ALDH3A1: variants seen among roughly 807,000 people sequenced by gnomAD.
ALDH3A1 encodes the protein aldehyde dehydrogenase, dimeric NADP-preferring.
ALDH3A1 carries 46 observed loss-of-function variants against 49.9 expected under a neutral mutation model. That is an observed-to-expected ratio of 0.92 (90% CI 0.73 to 1.18). ALDH3A1 has a LOEUF of 1.18. Ranked by LOEUF, ALDH3A1 falls within the 50% of genes most tolerant of loss-of-function variation. The pLI is 0.00. For missense variants in ALDH3A1, 592 were observed against 611.8 expected (o/e 0.97, Z 0.34); for synonymous variants, 269 against 253.3 (o/e 1.06, Z -0.59).
rs756093804 is a variant in ALDH3A1, at chr17:19,743,338, G to A, written c.288C>T (p.Asp96=). ...GTGGCTCCGAGTGGATGTAGAGCTC[G>A]TCCTGCTGAGTCTGGGGCGTCTTCT... The part of the protein sequence containing the change: ...PVEKTPQTQQ[D]ELYIHSEPLG... The change falls in exon 3 of 11, where the codon GAC becomes GAT. Residue 96 remains aspartate (D), a synonymous_variant. Transcript: ENST00000225740. The surrounding 1 kb of genome is among the most constrained non-coding windows in gnomAD (Gnocchi z 4.4). The A allele has an allele frequency of 2.8e-5, 45 of 1,614,036 alleles. No homozygotes were observed. Among genetic ancestry groups the A allele is most frequent in the East Asian group, 8.9e-5 (4 of 44,888 alleles).
At chr17:19,741,600 C>T (rs534933625) in intron 5 of ALDH3A1, among the ~76,000 whole-genome samples, 3 of 152,280 alleles carry the variant, frequency 2.0e-5, no homozygotes, top group Non-Finnish European at 2.9e-5. Flanking sequence ...CCCCAGACCC[C>T]GAGCAGCGGT....
rs1307199475 is a variant in ALDH3A1, at chr17:19,743,185, C to G, written c.394+47G>C. The G allele has an allele frequency of 1.2e-6, 2 of 1,607,866 alleles. No homozygotes were observed. The highest frequency in any genetic ancestry group is 3.4e-5 in the Admixed American group (2 of 58,926). On this transcript the variant is annotated intron_variant, in intron 3 of 10. Coordinates refer to ENST00000225740, the MANE Select transcript of ALDH3A1 (RefSeq NM_000691.5). The surrounding 1 kb of genome is among the most constrained non-coding windows in gnomAD (Gnocchi z 4.4). ...GAGCCCATCCTGGCTTGGCTCCACG[C>G]TGGGGGACGGTGCTCCCCCAGCTTC...
intron 7 of ALDH3A1, 104 bp from the exon 8 acceptor site, chr17:19,739,778 G>A: frequency 7.1e-7 from 1 of 1,400,418 alleles, no homozygotes; most frequent in Non-Finnish European, 9.6e-7. Flanking sequence ...AGGCAAACCT[G>A]CCCAGGCTTG....
At chr17:19,744,313 GA>G (rs1353074562) in intron 2 of ALDH3A1, 1 of 740,066 alleles carries the variant, frequency 1.4e-6, no homozygotes, top group African/African-American at 1.9e-5. Flanking sequence ...TGAGGCAGGA[GA>G]ATTGCCTGAA....
intron 10 of ALDH3A1, 38 bp from the exon 11 acceptor site, chr17:19,738,273 C>A (rs369145420): frequency 3.1e-6 from 5 of 1,614,036 alleles, no homozygotes; most frequent in Non-Finnish European, 4.2e-6. Context: ...GATCCCCAGG[C>A]CCTGGTCCCG....
intron 5 of ALDH3A1, among the ~76,000 whole-genome samples, chr17:19,741,772 CAG>C (rs1184696219): frequency 2.6e-5 from 4 of 152,124 alleles, no homozygotes; most frequent in African/African-American, 9.7e-5. Context: ...ACTCAGCAAA[CAG>C]AGCTCAGCCT....
rs764357572 is a variant in ALDH3A1, at chr17:19,738,449, G to A, written c.1221C>T (p.Asn407=). 3.7e-6 allele frequency: 6 copies of A among 1,610,820 alleles called. No homozygotes were observed. The Admixed American group carries it at 5.0e-5, about 13-fold the overall frequency. ...TGCCATGGTAGGATCCCATGCCGCT[G>A]TTCCCTGCGGAGGAGAAGTAAGCAC... is the stretch of plus-strand genomic sequence containing the variant. ...LHSLPFGGVG[N]SGMGSYHGKK... The change falls in exon 10 of 11, where the codon AAC becomes AAT. Residue 407 remains asparagine (N), a synonymous_variant. Transcript: ENST00000225740.
At chr17:19,739,198 G>GC (rs2086444134) in intron 8 of ALDH3A1, 103 bp from the exon 9 acceptor site, 2 of 1,035,980 alleles carry the variant, frequency 1.9e-6, no homozygotes, top group Non-Finnish European at 2.9e-6. Flanking sequence ...AAGGACAGGA[G>GC]CAGGTGGAGG....
chr17:19,746,696 CGTGCGTGTGTGTGCAT>C (rs889520334), intron 1 of ALDH3A1, among the ~76,000 whole-genome samples: 7 of 139,322 alleles, frequency 5.0e-5, no homozygotes, highest in African/African-American at 1.1e-4. Context: ...TGTGTGTGTG[CGTGCGTGTGTGTGCAT>C]GTGCGTGTGT....
chr17:19,739,525 A>G lies in ALDH3A1; in HGVS notation c.1099T>C (p.Phe367Leu), dbSNP rs1376039298. 3 of 1,611,436 alleles carry G rather than the reference A, an allele frequency of 1.9e-6. No homozygotes were observed. Among genetic ancestry groups the G allele is most frequent in the Non-Finnish European group, 1.7e-6 (2 of 1,179,190 alleles). Residue 367 changes from phenylalanine (F) to leucine (L), a missense_variant, in exon 8 of 11, where the codon TTC becomes CTC. Phe to Leu is a conservative substitution (Grantham distance 22). Coordinates refer to ENST00000225740, the MANE Select transcript of ALDH3A1 (RefSeq NM_000691.5). ...QREKPLALYM[F>L]SSNDKVIKKM... The stretch of plus-strand genomic sequence containing the variant: ...CCACCCACCTTGTCGTTGCTGGAGA[A>G]CATGTAGAGGGCCAGGGGCTTCTCA...
chr17:19,744,900 AGCCCCTC>A, intron 2 of ALDH3A1, 61 bp downstream of exon 2: 1 of 270,614 alleles, frequency 3.7e-6, no homozygotes, highest in Non-Finnish European at 5.3e-6. Context: ...CACTCTCCCC[AGCCCCTC>A]CCCCCACGCC....
At chr17:19,739,910 C>T (rs1224702944) in intron 7 of ALDH3A1, among the ~76,000 whole-genome samples, 1 of 152,154 alleles carries the variant, frequency 6.6e-6, no homozygotes, top group East Asian at 1.9e-4. Context: ...AGATCTGTCT[C>T]CAGGAGCAGG....
At chr17:19,745,300 T>A in intron 1 of ALDH3A1, 166 bp from the exon 2 acceptor site, 2 of 701,048 alleles carry the variant, frequency 2.9e-6, no homozygotes, top group South Asian at 2.3e-5. Context: ...CGCCCCTCAC[T>A]CAGACGCCTG....
At position 19,742,539 on chromosome 17, in the gene ALDH3A1, ACT is replaced by A. The variant is rs779346208; in HGVS notation, c.480+4_480+5del. On this transcript the variant is annotated splice_donor_5th_base_variant and intron_variant, in intron 4 of 10. Coordinates refer to ENST00000225740, the MANE Select transcript of ALDH3A1 (RefSeq NM_000691.5). ...TGGAGTTACGAGGCCCTGGAGGGCA[ACT>A]CACCTTGTCCAGGTACTGGGGGATG... The A allele has an allele frequency of 3.7e-6, 6 of 1,611,402 alleles. No individual in the cohort carries two copies. Among genetic ancestry groups the A allele is most frequent in the Non-Finnish European group, 4.2e-6 (5 of 1,178,126 alleles).
rs1448925532 is a variant in ALDH3A1, at chr17:19,744,992, G to A, written c.138C>T (p.Gly46=). The stretch of plus-strand genomic sequence containing the variant: ...CCTTGTGCAGGTCTGCGGCCAGCGC[G>A]CCCACCAGCTCCTGCTCCTGCTCCT... The part of the protein sequence containing the change: ...LIQEQEQELV[G]ALAADLHKNE... The change falls in exon 2 of 11, where the codon GGC becomes GGT. Residue 46 remains glycine, a synonymous_variant. Transcript: ENST00000225740. 3.3e-6 allele frequency: 5 copies of A among 1,516,504 alleles called. No homozygotes were observed. The highest frequency in any genetic ancestry group is 4.3e-4 in the Middle Eastern group (2 of 4,622). The allele number at this position is 1,516,504 out of a possible 1,614,324, so 93.9% of individuals were successfully genotyped here.
In ALDH3A1 at chr17:19,739,166, C is replaced by T. The variant is rs867949943; in HGVS notation, c.1117-71G>A. The T allele has an allele frequency of 1.4e-5, 19 of 1,376,620 alleles. No homozygotes were observed. In the Middle Eastern group the frequency reaches 3.3e-3, roughly 242 times the overall value. The allele number at this position is 1,376,620 out of a possible 1,614,324, so 85.3% of individuals were successfully genotyped here. A position where few individuals can be genotyped will look rare whatever the true frequency, so the allele number is the denominator to read the frequency against. Reference sequence around the variant, plus strand: ...TGCCCCAGCCCCCAACCCGACCCTGCCTGGGTATAGCCTGGAGCCACAAGG... The same window carrying T: ...TGCCCCAGCCCCCAACCCGACCCTGTCTGGGTATAGCCTGGAGCCACAAGG... On this transcript the variant is annotated intron_variant, in intron 8 of 10. Transcript: ENST00000225740.
Position 19,743,151 on chromosome 17 carries a change from C to T in ALDH3A1, c.394+81G>A, listed in dbSNP as rs2086531563. The stretch of plus-strand genomic sequence containing the variant: ...CCTTATCTGACCCCAGGACTCTTAA[C>T]ACAGGCCTGAGCCCATCCTGGCTTG... On this transcript the variant is annotated intron_variant, in intron 3 of 10. Coordinates refer to ENST00000225740, the MANE Select transcript of ALDH3A1 (RefSeq NM_000691.5). This position sits in a 1 kb window ranked among gnomAD's most constrained non-coding sequence, Gnocchi z 4.4. 6.3e-7 allele frequency: 1 copy of T among 1,578,370 alleles called. No homozygotes were observed. Among genetic ancestry groups the T allele is most frequent in the Non-Finnish European group, 8.6e-7 (1 of 1,165,120 alleles).
In ALDH3A1 at chr17:19,742,999, G is replaced by T. The variant is rs760112160; in HGVS notation, c.394+233C>A. 2.0e-6 allele frequency: 3 copies of T among 1,531,012 alleles called. No individual in the cohort carries two copies. In the South Asian group the frequency reaches 3.6e-5, roughly 18 times the overall value. The allele number at this position is 1,531,012 out of a possible 1,614,324, so 94.8% of individuals were successfully genotyped here. The stretch of plus-strand genomic sequence containing the variant: ...ACAGAAGCTCCAGCCCCCCAACAGG[G>T]GTGGGGGAAGGCAGGCCCTCTCTGT... On this transcript the variant is annotated intron_variant, in intron 3 of 10. Transcript: ENST00000225740.
At chr17:19,745,274 G>T (rs2086580850) in intron 1 of ALDH3A1, 140 bp from the exon 2 acceptor site, 5 of 905,482 alleles carry the variant, frequency 5.5e-6, no homozygotes, top group Non-Finnish European at 7.8e-6. Flanking sequence ...TCCACTTTCT[G>T]CCTCGCCTCC....
Sources: gnomAD v4.1 joint callset for allele counts (sites outside exome capture counted in the v4.1 genomes callset) on GRCh38, gnomAD v4.1.1 for gene constraint, Gnocchi (gnomAD v3.1) non-coding constraint, MANE v1.5 for transcripts, NCBI Gene and HGNC (gene_info 2026-07-23, HGNC 2026-07-21) for gene names.